The following MALT1 variants were observed in gnomAD, a reference collection of about 807,000 sequenced individuals.
MALT1 encodes the protein mucosa-associated lymphoid tissue lymphoma translocation protein 1.
A neutral mutation model predicts 85.5 loss-of-function variants in MALT1; 36 were observed. The observed-to-expected ratio is 0.42, with a 90% CI of 0.32 to 0.56. MALT1 has a LOEUF of 0.56. Ranked by LOEUF, MALT1 falls within the 20% of genes least tolerant of loss-of-function variation. MALT1 has a pLI of 0.10. For synonymous variants in MALT1, 359 were observed against 361.3 expected, an observed-to-expected ratio of 0.99 and a Z score of 0.07; for missense variants, 716 against 981.6, an observed-to-expected ratio of 0.73 and a Z score of 3.62.
Position 58,748,076 on chromosome 18 carries a change from G to A in MALT1, c.*234G>A. 1 of 509,556 alleles carries A rather than the reference G, an allele frequency of 2.0e-6. No individual in the cohort carries two copies. The highest frequency in any genetic ancestry group is 3.5e-6 in the Non-Finnish European group (1 of 283,308). The allele number at this position is 509,556 out of a possible 1,614,324, so 31.6% of individuals were successfully genotyped here. On this transcript the variant is annotated 3_prime_UTR_variant, in exon 17 of 17. Transcript: ENST00000649217. Reference sequence around the variant, plus strand: ...GAATAGTTCTATACAAATGAAGTATGGAGGTGTGTATGTTTATATGTATAT... The same window carrying A: ...GAATAGTTCTATACAAATGAAGTATAGAGGTGTGTATGTTTATATGTATAT...
intron 9 of MALT1, among the ~76,000 whole-genome samples, chr18:58,719,279 T>C (rs2054947676): frequency 6.8e-6 from 1 of 146,738 alleles, no homozygotes; most frequent in Non-Finnish European, 1.5e-5. Flanking sequence ...TTAGTGGGGG[T>C]TGGTGAAAGA....
intron 2 of MALT1, among the ~76,000 whole-genome samples, chr18:58,685,558 C>T (rs191801849): frequency 6.6e-6 from 1 of 152,096 alleles, no homozygotes; most frequent in Non-Finnish European, 1.5e-5. Context: ...TGATGAGGAC[C>T]CAGCTTCAGC....
chr18:58,727,579 G>C (rs1313119501), intron 10 of MALT1, among the ~76,000 whole-genome samples: 3 of 148,752 alleles, frequency 2.0e-5, no homozygotes, highest in African/African-American at 7.6e-5. Context: ...AAGGCCAGGC[G>C]TGAGCCACTG....
intron 2 of MALT1, among the ~76,000 whole-genome samples, chr18:58,685,973 C>T (rs1208482638): frequency 2.0e-5 from 3 of 152,036 alleles, no homozygotes; most frequent in Admixed American, 1.3e-4. Flanking sequence ...CCAATATTGA[C>T]ATCTGTATAG....
At position 58,752,335 on chromosome 18, in the gene MALT1, A is replaced by G. The variant is rs998750947; in HGVS notation, c.*4493A>G. 1 of 152,142 alleles carries G rather than the reference A, an allele frequency of 6.6e-6. No homozygotes were observed. Among genetic ancestry groups the G allele is most frequent in the African/African-American group, 2.4e-5 (1 of 41,428 alleles). The allele number at this position is 152,142 out of a possible 1,614,324, so 9.4% of individuals were successfully genotyped here. A position where few individuals can be genotyped will look rare whatever the true frequency, so the allele number is the denominator to read the frequency against. On this transcript the variant is annotated 3_prime_UTR_variant, in exon 17 of 17. Transcript: ENST00000649217. ...TTTTTTCCAAACAGACGTCCTGACA[A>G]TGTTGTTTCCTATTCCTTGAACATT...
intron 11 of MALT1, chr18:58,733,861 T>C (rs2055188363): frequency 8.4e-7 from 1 of 1,184,948 alleles, no homozygotes; most frequent in South Asian, 2.6e-5. Context: ...ACTTTAATAA[T>C]CACTATAGTT....
intron 10 of MALT1, among the ~76,000 whole-genome samples, chr18:58,725,628 G>C (rs1023713134): frequency 6.6e-6 from 1 of 152,186 alleles, no homozygotes; most frequent in Non-Finnish European, 1.5e-5. Flanking sequence ...AAAAAATATT[G>C]ATCAGTTTAG....
chr18:58,704,480 G>A (rs187264403), intron 4 of MALT1, among the ~76,000 whole-genome samples: 8 of 152,232 alleles, frequency 5.3e-5, no homozygotes, highest in African/African-American at 1.7e-4. Context: ...GTTTTGAGAA[G>A]GGGTCTCACT....
chr18:58,732,443 C>T (rs2055163403), intron 10 of MALT1, among the ~76,000 whole-genome samples: 1 of 152,080 alleles, frequency 6.6e-6, no homozygotes, highest in South Asian at 2.1e-4. Flanking sequence ...AGTCAAAAGA[C>T]TCTAGATGGA....
At chr18:58,708,912 T>A (rs2054794398) in intron 4 of MALT1, among the ~76,000 whole-genome samples, 2 of 152,208 alleles carry the variant, frequency 1.3e-5, no homozygotes, top group Non-Finnish European at 2.9e-5. Flanking sequence ...GAAATGTTAG[T>A]GATAACTCAC....
chr18:58,733,576 T>C lies in MALT1; in HGVS notation c.1400+2T>C, dbSNP rs778046395. On this transcript the variant is annotated splice_donor_variant, in intron 11 of 16. Transcript: ENST00000649217. LOFTEE classifies it high-confidence loss of function. Reference sequence around the variant, plus strand: ...CTTATTGGATATGTGTAGGAAAAGGTAAGTTTTCTAATCTTTATTAAAGAA... The same window carrying C: ...CTTATTGGATATGTGTAGGAAAAGGCAAGTTTTCTAATCTTTATTAAAGAA... 1.3e-6 allele frequency: 2 copies of C among 1,573,296 alleles called. No individual in the cohort carries two copies. The highest frequency in any genetic ancestry group is 1.7e-6 in the Non-Finnish European group (2 of 1,156,850).
At chr18:58,702,642 C>G (rs1005334009) in intron 4 of MALT1, among the ~76,000 whole-genome samples, 1 of 152,210 alleles carries the variant, frequency 6.6e-6, no homozygotes, top group African/African-American at 2.4e-5. Flanking sequence ...TCTTGCTGCT[C>G]ACTTTTCAAT....
At chr18:58,736,379 T>C (rs1240491296) in intron 13 of MALT1, among the ~76,000 whole-genome samples, 1 of 151,992 alleles carries the variant, frequency 6.6e-6, no homozygotes, top group Non-Finnish European at 1.5e-5. Context: ...AGTTCCACTT[T>C]TATTTGTTTT....
intron 16 of MALT1, 83 bp from the exon 17 acceptor site, chr18:58,747,322 G>A (rs995894361): frequency 1.2e-6 from 1 of 849,354 alleles, no homozygotes; most frequent in East Asian, 2.4e-5. Flanking sequence ...TTTGGGGGTG[G>A]GGGTGTGTAT....
At chr18:58,745,542 C>T (rs959901220) in intron 15 of MALT1, 124 bp from the exon 16 acceptor site, 42 of 788,730 alleles carry the variant, frequency 5.3e-5, no homozygotes, top group Middle Eastern at 3.5e-4. Flanking sequence ...TTTGGGATTA[C>T]CAAAATTCAC....
At chr18:58,740,057 G>T (rs768880858) in intron 13 of MALT1, among the ~76,000 whole-genome samples, 5 of 152,074 alleles carry the variant, frequency 3.3e-5, no homozygotes, top group Non-Finnish European at 5.9e-5. Context: ...TACCATATAG[G>T]CTTTTCATTT....
chr18:58,727,616 G>GGTTTTTTTTTTTTT (rs1555688173), intron 10 of MALT1, among the ~76,000 whole-genome samples: 12 of 121,270 alleles, frequency 9.9e-5, no homozygotes, highest in African/African-American at 3.6e-4. Context: ...GGTTTTTTGT[G>GGTTTTTTTTTTTTT]TTTTTTTTTT....
chr18:58,699,658 G>T (rs909487254), intron 3 of MALT1, among the ~76,000 whole-genome samples: 7 of 152,218 alleles, frequency 4.6e-5, no homozygotes, highest in Non-Finnish European at 8.8e-5. Flanking sequence ...TGCTCAAAGA[G>T]TTTTGAATTT....
At position 58,710,135 on chromosome 18, in the gene MALT1, C is replaced by T. The variant is rs190753432; in HGVS notation, c.925+63C>T. 35 of 949,452 alleles carry T rather than the reference C, an allele frequency of 3.7e-5. No individual in the cohort carries two copies. In the African/African-American group the frequency reaches 4.8e-4, roughly 13 times the overall value. 58.8% of individuals were successfully genotyped at this position (949,452 alleles called of 1,614,324 possible). ...ATAATATAAGCTATATAAACTGCAACGTTTAATTAAGCAAAGGAAATTATA... is the reference window on the plus strand; with the variant it reads ...ATAATATAAGCTATATAAACTGCAATGTTTAATTAAGCAAAGGAAATTATA... On this transcript the variant is annotated intron_variant, in intron 6 of 16. Coordinates refer to ENST00000649217, the MANE Select transcript of MALT1 (RefSeq NM_006785.4).
Sources: allele counts gnomAD v4.1 joint callset (sites outside exome capture counted in the v4.1 genomes callset), GRCh38; gene constraint gnomAD v4.1.1; transcripts MANE v1.5; gene names NCBI Gene and HGNC (gene_info 2026-07-23, HGNC 2026-07-21).